ANO3: variants seen among roughly 807,000 people sequenced by gnomAD.
ANO3 encodes the protein anoctamin-3.
Under a neutral mutation model 144.8 loss-of-function variants are expected in ANO3, and 99 were observed. The ratio of observed to expected loss-of-function variants is 0.68; its 90% CI spans 0.58 to 0.81. ANO3 has a LOEUF of 0.81. Ranked by LOEUF, ANO3 falls within the 30% of genes least tolerant of loss-of-function variation. The pLI is 0.00. For synonymous variants in ANO3, 414 were observed against 392.6 expected (o/e 1.05, Z -0.64); for missense variants, 905 against 1,202.2 (o/e 0.75, Z 3.66).
exon 1 of ANO3, among the ~76,000 whole-genome samples, chr11:26,188,952 C>T (rs1231382415): frequency 6.6e-6 from 1 of 152,158 alleles, no homozygotes; most frequent in Non-Finnish European, 1.5e-5. Context: ...CTCTAAAATT[C>T]ATCCATCCTA....
At chr11:26,659,251 G>A (rs1052935695) in intron 26 of ANO3, among the ~76,000 whole-genome samples, 1 of 152,030 alleles carries the variant, frequency 6.6e-6, no homozygotes, top group Non-Finnish European at 1.5e-5. Context: ...CAGAATATAG[G>A]TGATTTGCCT....
rs565742109 is a variant in ANO3 at position 26,453,615 on chromosome 11, C to T, written c.314-9415C>T. ...GTGACCTACAAAGAGACTTAGACTC[C>T]CACACATTAATAATGGGAGACTTTA... On this transcript the variant is annotated intron_variant, in intron 3 of 26. Coordinates refer to ENST00000256737, the MANE Select transcript of ANO3 (RefSeq NM_031418.4). 7.4e-4 allele frequency among the ~76,000 whole-genome samples: 113 copies of T among 152,050 alleles called. 1 individual carries two copies. In the Middle Eastern group the frequency reaches 0.017, roughly 23 times the overall value.
chr11:26,565,254 G>A (rs15783), intron 14 of ANO3: 1,020,920 of 1,583,798 alleles, frequency 0.64, 332,577 homozygotes, highest in Admixed American at 0.78. Context: ...TTGATAAGGG[G>A]TAAACCCAGT....
At chr11:26,496,187 C>G (rs1455366757) in intron 4 of ANO3, among the ~76,000 whole-genome samples, 1 of 152,162 alleles carries the variant, frequency 6.6e-6, no homozygotes, top group African/African-American at 2.4e-5. Flanking sequence ...AATTTGACCT[C>G]TCTGTGTTGA....
At chr11:26,465,473 A>C (rs771319347) in intron 4 of ANO3, among the ~76,000 whole-genome samples, 1 of 151,744 alleles carries the variant, frequency 6.6e-6, no homozygotes, top group African/African-American at 2.4e-5. Context: ...AGTGATGACA[A>C]AGCAAATTTA....
chr11:26,598,753 T>G, intron 15 of ANO3, 105 bp from the exon 16 acceptor site: 1 of 1,143,168 alleles, frequency 8.7e-7, no homozygotes, highest in Non-Finnish European at 1.2e-6. Context: ...TTGTGAAGAC[T>G]TAATACAAAA....
intron 4 of ANO3, among the ~76,000 whole-genome samples, chr11:26,466,184 C>T (rs941012978): frequency 1.1e-4 from 17 of 151,892 alleles, no homozygotes; most frequent in Admixed American, 4.6e-4. Context: ...AACTGGGATG[C>T]AGTTTAGGAA....
At chr11:26,295,043 C>T (rs1475960947) in intron 1 of ANO3, among the ~76,000 whole-genome samples, 1 of 151,912 alleles carries the variant, frequency 6.6e-6, no homozygotes, top group Non-Finnish European at 1.5e-5. Flanking sequence ...GGACTATAGG[C>T]GTGCACCCAC....
intron 20 of ANO3, among the ~76,000 whole-genome samples, chr11:26,635,492 C>T (rs574815495): frequency 5.2e-4 from 79 of 152,166 alleles, no homozygotes; most frequent in Non-Finnish European, 8.4e-4. Flanking sequence ...TATTGATTTA[C>T]AATATGTATG....
At chr11:26,381,280 T>C (rs908505803) in intron 1 of ANO3, among the ~76,000 whole-genome samples, 4 of 152,194 alleles carry the variant, frequency 2.6e-5, no homozygotes, top group Non-Finnish European at 5.9e-5. Flanking sequence ...CATGTGATCA[T>C]GGAAGATTTG....
At chr11:26,304,661 T>C (rs552538008), upstream of ANO3, among the ~76,000 whole-genome samples, 2 of 152,286 alleles carry the variant, frequency 1.3e-5, no homozygotes, top group African/African-American at 4.8e-5. Flanking sequence ...TCAGTACATA[T>C]AGAACCACCT....
At chr11:26,224,854 G>A (rs17243126) in intron 1 of ANO3, among the ~76,000 whole-genome samples, 46,009 of 152,052 alleles carry the variant, frequency 0.3, 7,698 homozygotes, top group Non-Finnish European at 0.37. Context: ...CAACCAAAGT[G>A]CAAACAAGAG....
intron 12 of ANO3, among the ~76,000 whole-genome samples, chr11:26,550,187 AATT>A (rs995619455): frequency 6.6e-6 from 1 of 151,384 alleles, no homozygotes; most frequent in African/African-American, 2.4e-5. Flanking sequence ...ATTAATATAT[AATT>A]ATTACAGAAA....
chr11:26,292,491 G>A (rs1853983442), intron 1 of ANO3, among the ~76,000 whole-genome samples: 1 of 152,114 alleles, frequency 6.6e-6, no homozygotes, highest in African/African-American at 2.4e-5. Flanking sequence ...GAGAAGAGGT[G>A]CTCTGATTTT....
At chr11:26,285,417 G>A (rs927362195) in intron 1 of ANO3, among the ~76,000 whole-genome samples, 2 of 152,008 alleles carry the variant, frequency 1.3e-5, no homozygotes, top group African/African-American at 4.8e-5. Context: ...TATTTGTTGT[G>A]CATTCTTATT....
rs568513152 is a variant in ANO3, at chr11:26,461,142, G to A, written c.314-1888G>A. 2.6e-5 allele frequency among the ~76,000 whole-genome samples: 4 copies of A among 152,144 alleles called. No individual in the cohort carries two copies. In the South Asian group the frequency reaches 8.3e-4, roughly 32 times the overall value. ...CGAGCGAGCGCGAGAGTGCCTACCGGGGGAAAGGAAGGAAAGGGGGAGAAA... is the reference window on the plus strand; with the variant it reads ...CGAGCGAGCGCGAGAGTGCCTACCGAGGGAAAGGAAGGAAAGGGGGAGAAA... On this transcript the variant is annotated intron_variant, in intron 3 of 26. Transcript: ENST00000256737.
At chr11:26,209,277 G>A (rs561455263) in intron 1 of ANO3, among the ~76,000 whole-genome samples, 11 of 152,282 alleles carry the variant, frequency 7.2e-5, no homozygotes, top group African/African-American at 2.6e-4. Flanking sequence ...AGTTTGCTGA[G>A]AATGATGGTT....
At chr11:26,526,284 C>T (rs1311659071) in intron 7 of ANO3, among the ~76,000 whole-genome samples, 1 of 152,152 alleles carries the variant, frequency 6.6e-6, no homozygotes, top group Non-Finnish European at 1.5e-5. Flanking sequence ...AATCAAACCA[C>T]TACCCTGAGA....
intron 19 of ANO3, among the ~76,000 whole-genome samples, 156 bp from the exon 20 acceptor site, chr11:26,634,857 G>A (rs1366553663): frequency 3.3e-5 from 5 of 152,140 alleles, no homozygotes; most frequent in Non-Finnish European, 7.3e-5. Context: ...TTGTAAGTCA[G>A]ATACTTTGAT....
Sources: gnomAD v4.1 joint callset for allele counts (sites outside exome capture counted in the v4.1 genomes callset) on GRCh38, gnomAD v4.1.1 for gene constraint, MANE v1.5 for transcripts, NCBI Gene and HGNC (gene_info 2026-07-23, HGNC 2026-07-21) for gene names.